Variants in NHSL1 observed in about 807,000 individuals in gnomAD.
NHSL1 encodes the protein NHS like 1, also known as NHS-like protein 1.
A neutral mutation model predicts 95.0 loss-of-function variants in NHSL1; 48 were observed. That is an observed-to-expected ratio of 0.51 (90% CI 0.40 to 0.64). NHSL1 has a LOEUF of 0.64. Ranked by LOEUF, NHSL1 falls within the 30% of genes least tolerant of loss-of-function variation. The pLI is 0.00. For missense variants in NHSL1, 1,971 were observed against 2,077.7 expected (o/e 0.95, Z 1.00); for synonymous variants, 783 against 833.9 (o/e 0.94, Z 1.05).
intron 1 of NHSL1, among the ~76,000 whole-genome samples, chr6:138,579,870 C>T (rs925248635): frequency 6.6e-6 from 1 of 152,166 alleles, no homozygotes; most frequent in Non-Finnish European, 1.5e-5. Context: ...CTCTATAGTG[C>T]TTACACCGAA....
At chr6:138,651,752 C>G (rs1014424597) in intron 1 of NHSL1, among the ~76,000 whole-genome samples, 2 of 152,190 alleles carry the variant, frequency 1.3e-5, no homozygotes, top group Non-Finnish European at 2.9e-5. Context: ...AAGGCGCTTA[C>G]ATGAGCAAAG....
intron 1 of NHSL1, among the ~76,000 whole-genome samples, chr6:138,522,071 C>G (rs1781706724): frequency 6.6e-6 from 1 of 152,146 alleles, no homozygotes; most frequent in South Asian, 2.1e-4. Context: ...TGCGTCTGGC[C>G]ACGTGGAAAC....
chr6:138,618,476 C>G (rs1354924254), intron 1 of NHSL1, among the ~76,000 whole-genome samples: 1 of 152,208 alleles, frequency 6.6e-6, no homozygotes, highest in Non-Finnish European at 1.5e-5. Context: ...AACAAATATA[C>G]TAAGCTGAGA....
At chr6:138,518,431 T>C (rs1452793668) in intron 1 of NHSL1, among the ~76,000 whole-genome samples, 1 of 150,346 alleles carries the variant, frequency 6.7e-6, no homozygotes, top group Non-Finnish European at 1.5e-5. Flanking sequence ...ATTCACATTA[T>C]ATAAGAAAAA....
intron 1 of NHSL1, among the ~76,000 whole-genome samples, chr6:138,626,560 C>T (rs1231286232): frequency 6.6e-6 from 1 of 152,110 alleles, no homozygotes; most frequent in Non-Finnish European, 1.5e-5. Flanking sequence ...AGATTCTCAG[C>T]ATTAGCAAAT....
intron 1 of NHSL1, among the ~76,000 whole-genome samples, chr6:138,552,230 C>A (rs1783034111): frequency 6.6e-6 from 1 of 152,130 alleles, no homozygotes; most frequent in Non-Finnish European, 1.5e-5. Context: ...ACAATCCTGG[C>A]CAACATGGTG....
At chr6:138,624,514 T>C (rs538755277) in intron 1 of NHSL1, among the ~76,000 whole-genome samples, 6 of 151,516 alleles carry the variant, frequency 4.0e-5, no homozygotes, top group Non-Finnish European at 8.8e-5. Flanking sequence ...ATACACACTA[T>C]AAAAAAAAGG....
chr6:138,604,981 C>G (rs1398602378), intron 1 of NHSL1, among the ~76,000 whole-genome samples: 1 of 152,182 alleles, frequency 6.6e-6, no homozygotes, highest in Non-Finnish European at 1.5e-5. Context: ...ATCTGACTTA[C>G]TTGACTGACA....
At chr6:138,680,797 T>C (rs1344684168) in intron 1 of NHSL1, among the ~76,000 whole-genome samples, 4 of 152,054 alleles carry the variant, frequency 2.6e-5, no homozygotes, top group Admixed American at 6.6e-5. Flanking sequence ...TTGTATTTAA[T>C]GTAGAGACGG....
intron 1 of NHSL1, among the ~76,000 whole-genome samples, chr6:138,566,413 A>ATCAG (rs1336601262): frequency 1.2e-4 from 18 of 151,476 alleles, no homozygotes; most frequent in African/African-American, 4.4e-4. Flanking sequence ...CAATCAATCA[A>ATCAG]TCAATCAATC....
At chr6:138,506,797 A>T (rs1780984674) in intron 1 of NHSL1, among the ~76,000 whole-genome samples, 1 of 152,182 alleles carries the variant, frequency 6.6e-6, no homozygotes, top group African/African-American at 2.4e-5. Flanking sequence ...CTACAGTAAA[A>T]GTTAATACAA....
intron 1 of NHSL1, among the ~76,000 whole-genome samples, chr6:138,525,916 G>A (rs1016758819): frequency 2.0e-5 from 3 of 151,732 alleles, no homozygotes; most frequent in Admixed American, 2.0e-4. Flanking sequence ...GGCCAACATG[G>A]TGAAACCCCA....
At chr6:138,649,551 C>A (rs1785061843) in intron 1 of NHSL1, among the ~76,000 whole-genome samples, 1 of 151,930 alleles carries the variant, frequency 6.6e-6, no homozygotes, top group African/African-American at 2.4e-5. Context: ...ATCTGCCCAA[C>A]CTCTGGGTAT....
At chr6:138,496,553 A>G (rs1780366456) in intron 1 of NHSL1, among the ~76,000 whole-genome samples, 182 bp from the exon 2 acceptor site, 2 of 152,188 alleles carry the variant, frequency 1.3e-5, no homozygotes, top group Admixed American at 1.3e-4. Flanking sequence ...TGTTTTACTT[A>G]TAAAAGAAAA....
At chr6:138,620,052 A>T (rs571363540) in intron 1 of NHSL1, among the ~76,000 whole-genome samples, 2 of 151,598 alleles carry the variant, frequency 1.3e-5, no homozygotes, top group East Asian at 3.9e-4. Context: ...AACTGTATTA[A>T]TTTTTTTTTA....
chr6:138,664,322 C>T (rs1367424167), intron 1 of NHSL1, among the ~76,000 whole-genome samples: 1 of 152,168 alleles, frequency 6.6e-6, no homozygotes, highest in Non-Finnish European at 1.5e-5. Context: ...TTCTTACGCG[C>T]CAAGTAGGCT....
rs1310405901 is a variant in NHSL1 at position 138,431,239 on chromosome 6, G to T, written c.3106C>A (p.Pro1036Thr). Residue 1036 changes from proline to threonine, a missense_variant, in exon 6 of 8, where the codon CCG (proline) becomes ACG (threonine). This residue lies in a region of NHSL1 where 1,602 missense variants were observed against 1,654.5 expected (regional missense o/e 0.97). Coordinates refer to ENST00000343505, the MANE Select transcript of NHSL1 (RefSeq NM_001144060.2). This position sits in a 1 kb window ranked among gnomAD's most constrained non-coding sequence, Gnocchi z 4.0. ...GGCTGGCCAGAATTTGTGAAAGGCG[G>T]CCTGGTGTCTTTCATGAATTTGGGG... ...LDPKFMKDTR[P>T]PFTNSGQPES... 1.3e-6 allele frequency: 2 copies of T among 1,518,550 alleles called. No individual in the cohort carries two copies. Among genetic ancestry groups the T allele is most frequent in the Non-Finnish European group, 1.8e-6 (2 of 1,129,612 alleles). 94.1% of individuals were successfully genotyped at this position (1,518,550 alleles called of 1,614,324 possible).
chr6:138,626,016 T>C (rs1474989940), intron 1 of NHSL1, among the ~76,000 whole-genome samples: 1 of 152,258 alleles, frequency 6.6e-6, no homozygotes, highest in Non-Finnish European at 1.5e-5. Context: ...TGAGTTTTTC[T>C]TCTGCCTTCA....
At chr6:138,599,957 C>T (rs1054424776) in intron 1 of NHSL1, among the ~76,000 whole-genome samples, 1 of 152,020 alleles carries the variant, frequency 6.6e-6, no homozygotes, top group Admixed American at 6.6e-5. Flanking sequence ...GCCTGGCCAA[C>T]ATGGTGAAAC....
Sources: allele counts gnomAD v4.1 joint callset (sites outside exome capture counted in the v4.1 genomes callset), GRCh38; gene constraint gnomAD v4.1.1; regional missense constraint gnomAD v4.1.1; non-coding constraint Gnocchi (gnomAD v3.1); transcripts MANE v1.5; gene names NCBI Gene and HGNC (gene_info 2026-07-23, HGNC 2026-07-21).